Variants in KAT2A observed in about 807,000 individuals in gnomAD.
KAT2A encodes the protein lysine acetyltransferase 2A.
KAT2A carries 42 observed loss-of-function variants against 95.2 expected under a neutral mutation model. That is an observed-to-expected ratio of 0.44 (90% CI 0.34 to 0.57). The LOEUF is 0.57. KAT2A is among the 20% of genes least tolerant of loss of function. KAT2A has a pLI of 0.01. For missense variants in KAT2A, 784 were observed against 1,126.3 expected (o/e 0.70, Z 4.35); for synonymous variants, 449 against 448.2 (o/e 1.00, Z -0.02).
chr17:42,118,106 GA>G, intron 7 of KAT2A, 89 bp from the exon 8 acceptor site: 1 of 787,388 alleles, frequency 1.3e-6, no homozygotes, highest in Non-Finnish European at 1.9e-6. Context: ...GCTGAGGAGA[GA>G]GAGAGTCAGG....
Position 42,119,290 on chromosome 17 carries a change from T to C in KAT2A, c.1028A>G (p.Lys343Arg). The change falls in exon 6 of 18, where the codon AAA becomes AGA. Residue 343 changes from lysine to arginine, a missense_variant. By Grantham distance (26) the Lys-to-Arg change is conservative. Coordinates refer to ENST00000225916, the MANE Select transcript of KAT2A (RefSeq NM_021078.3). This position sits in a 1 kb window ranked among gnomAD's most constrained non-coding sequence, Gnocchi z 5.3. Reference sequence around the variant, plus strand: ...GAGGGTCCTCTTCTCGGGCACCAATTTGTCCTTCTCCACTCGGAACTTTTC... The same window carrying C: ...GAGGGTCCTCTTCTCGGGCACCAATCTGTCCTTCTCCACTCGGAACTTTTC... The part of the protein sequence containing the change: ...LLEKFRVEKD[K>R]LVPEKRTLIL... 2 of 1,613,924 alleles carry C rather than the reference T, an allele frequency of 1.2e-6. No homozygotes were observed. Among genetic ancestry groups the C allele is most frequent in the Middle Eastern group, 3.3e-4 (2 of 6,058 alleles).
At position 42,114,558 on chromosome 17, in the gene KAT2A, A is replaced by C; in HGVS notation, c.2066T>G (p.Val689Gly). 6.2e-7 allele frequency: 1 copy of C among 1,613,972 alleles called. No individual in the cohort carries two copies. The highest frequency in any genetic ancestry group is 8.5e-7 in the Non-Finnish European group (1 of 1,179,974). Residue 689 changes from valine to glycine, a missense_variant, in exon 14 of 18, where the codon GTC (valine) becomes GGC (glycine). Val to Gly is a moderately radical substitution (Grantham distance 109). Transcript: ENST00000225916. This position sits in a 1 kb window ranked among gnomAD's most constrained non-coding sequence, Gnocchi z 6.0. ...IERKQAQIRK[V>G]YPGLSCFKEG... ...CTTGAAGCAGCTGAGCCCCGGGTAGACCTTGCGGATCTGGGCCTGTTTGCG... is the reference window on the plus strand; with the variant it reads ...CTTGAAGCAGCTGAGCCCCGGGTAGCCCTTGCGGATCTGGGCCTGTTTGCG...
rs547131369 is a variant in KAT2A at position 42,119,014 on chromosome 17, G to T, written c.1073+231C>A. 13 of 1,356,780 alleles carry T rather than the reference G, an allele frequency of 9.6e-6. No individual in the cohort carries two copies. Among genetic ancestry groups the T allele is most frequent in the Non-Finnish European group, 1.2e-5 (13 of 1,056,806 alleles). The allele number at this position is 1,356,780 out of a possible 1,614,324, so 84.0% of individuals were successfully genotyped here. A position where few individuals can be genotyped will look rare whatever the true frequency, so the allele number is the denominator to read the frequency against. The stretch of plus-strand genomic sequence containing the variant: ...AACAATTAGTAACATCTACTGGGGC[G>T]TAGGGTCGGGTGGGGGCAGCGTTAG... On this transcript the variant is annotated intron_variant, in intron 6 of 17. Transcript: ENST00000225916. The surrounding 1 kb of genome is among the most constrained non-coding windows in gnomAD (Gnocchi z 5.3).
chr17:42,120,099 C>A lies in KAT2A; in HGVS notation c.630G>T (p.Leu210=). 1 of 1,614,168 alleles carries A rather than the reference C, an allele frequency of 6.2e-7. No individual in the cohort carries two copies. Among genetic ancestry groups the A allele is most frequent in the Non-Finnish European group, 8.5e-7 (1 of 1,180,026 alleles). ...YLFKLLRKCI[L]QMTRPVVEGS... is the part of the protein sequence containing the mutation. ...CCTCCACCACAGGCCGGGTCATCTG[C>A]AGGATGCATTTCCGCAGTAGCTAGA... Residue 210 remains leucine, a synonymous_variant, in exon 4 of 18, where the codon CTG becomes CTT. Transcript: ENST00000225916.
chr17:42,121,115 C>A lies in KAT2A; in HGVS notation c.190G>T (p.Gly64Trp). Reference sequence around the variant, plus strand: ...CTCCCGGCCCCCCCACTTCCTACCCCGGGCCCCCCAGTCCCTGTGCTGCCG... The same window carrying A: ...CTCCCGGCCCCCCCACTTCCTACCCAGGGCCCCCCAGTCCCTGTGCTGCCG... ...PAGSTGTGGP[G>W]VGSGGAGSGG... is the part of the protein sequence containing the mutation. Residue 64 changes from glycine (G) to tryptophan (W), a missense_variant, in exon 1 of 18, where the codon GGG (glycine) becomes TGG (tryptophan). Physicochemically the swap from Gly to Trp is radical, Grantham distance 184. This residue lies in a region of KAT2A where 142 missense variants were observed against 123.2 expected (regional missense o/e 1.15). Coordinates refer to ENST00000225916, the MANE Select transcript of KAT2A (RefSeq NM_021078.3). The A allele has an allele frequency of 6.6e-7, 1 of 1,520,138 alleles. No individual in the cohort carries two copies. Among genetic ancestry groups the A allele is most frequent in the Non-Finnish European group, 8.8e-7 (1 of 1,133,604 alleles). 94.2% of individuals were successfully genotyped at this position (1,520,138 alleles called of 1,614,324 possible).
Position 42,117,171 on chromosome 17 carries a change from AG to A in KAT2A, c.1638-11del. On this transcript the variant is annotated splice_polypyrimidine_tract_variant and intron_variant, in intron 10 of 17. Coordinates refer to ENST00000225916, the MANE Select transcript of KAT2A (RefSeq NM_021078.3). The surrounding 1 kb of genome is among the most constrained non-coding windows in gnomAD (Gnocchi z 8.9). Reference sequence around the variant, plus strand: ...CAGAGTCTTGTGCTTCCTAAGAGAGAGGGGGGCATGTCATAGCCCCTGACTG... The same window carrying A: ...CAGAGTCTTGTGCTTCCTAAGAGAGAGGGGGCATGTCATAGCCCCTGACTG... 3 of 1,613,670 alleles carry A rather than the reference AG, an allele frequency of 1.9e-6. No homozygotes were observed. The highest frequency in any genetic ancestry group is 2.5e-6 in the Non-Finnish European group (3 of 1,179,954).
Position 42,117,516 on chromosome 17 carries a change from G to C in KAT2A, c.1509C>G (p.Val503=), listed in dbSNP as rs2054276207. 1 of 1,613,664 alleles carries C rather than the reference G, an allele frequency of 6.2e-7. No homozygotes were observed. The highest frequency in any genetic ancestry group is 8.5e-7 in the Non-Finnish European group (1 of 1,180,030). The change falls in exon 10 of 18, where the codon GTC becomes GTG. Residue 503 remains valine (V), a synonymous_variant. Transcript: ENST00000225916. The surrounding 1 kb of genome is among the most constrained non-coding windows in gnomAD (Gnocchi z 8.9). ...EERRGIIEFH[V]IGNSLTPKAN... ...CCTTGGGCGTCAGTGAGTTGCCGATGACATGGAACTCGATGATGCCGCGGC... is the reference window on the plus strand; with the variant it reads ...CCTTGGGCGTCAGTGAGTTGCCGATCACATGGAACTCGATGATGCCGCGGC...
At position 42,114,820 on chromosome 17, in the gene KAT2A, C is replaced by T. The variant is rs981165592; in HGVS notation, c.2019+72G>A. ...ATATGCATGTAGACGTAGAACAGGTCTACACACGTGTGCTCGCCCTCTGCA... is the reference window on the plus strand; with the variant it reads ...ATATGCATGTAGACGTAGAACAGGTTTACACACGTGTGCTCGCCCTCTGCA... On this transcript the variant is annotated intron_variant, in intron 13 of 17. Transcript: ENST00000225916. The surrounding 1 kb of genome is among the most constrained non-coding windows in gnomAD (Gnocchi z 6.0). 57 of 1,512,404 alleles carry T rather than the reference C, an allele frequency of 3.8e-5. No individual in the cohort carries two copies. Among genetic ancestry groups the T allele is most frequent in the Admixed American group, 5.1e-5 (3 of 59,124 alleles). The allele number at this position is 1,512,404 out of a possible 1,614,324, so 93.7% of individuals were successfully genotyped here. A position where few individuals can be genotyped will look rare whatever the true frequency, so the allele number is the denominator to read the frequency against.
chr17:42,118,433 C>T, intron 6 of KAT2A, 30 bp from the exon 7 acceptor site: 2 of 1,497,700 alleles, frequency 1.3e-6, no homozygotes, highest in South Asian at 1.1e-5. Context: ...TGTCCCACAA[C>T]TCTGTTCTCC....
Position 42,121,071 on chromosome 17 carries a change from T to A in KAT2A, c.234A>T (p.Arg78=). 1 of 1,568,480 alleles carries A rather than the reference T, an allele frequency of 6.4e-7. No individual in the cohort carries two copies. Among genetic ancestry groups the A allele is most frequent in the Non-Finnish European group, 8.6e-7 (1 of 1,160,062 alleles). ...CGCGCTGCTGCTGGCTCAGGCCAGG[T>A]CGAGCCGGATCCCCCCCGCTCCCGG... is the stretch of plus-strand genomic sequence containing the variant. ...GGAGSGGDPA[R]PGLSQQQRAS... is the part of the protein sequence containing the mutation. Residue 78 remains arginine (R), a synonymous_variant, in exon 1 of 18, where the codon CGA becomes CGT. Coordinates refer to ENST00000225916, the MANE Select transcript of KAT2A (RefSeq NM_021078.3).
Position 42,119,669 on chromosome 17 carries a change from TC to T in KAT2A, c.748del (p.Glu250SerfsTer170), listed in dbSNP as rs1555666881. ...TGAGAGCTCGAACATCGTCTGCCGCTCCCGGGGAGCCAGGTGACTAAACTTG... is the reference window on the plus strand; with the variant it reads ...TGAGAGCTCGAACATCGTCTGCCGCTCCGGGGAGCCAGGTGACTAAACTTG... The part of the protein sequence containing the change: ...QYKFSHLAPR[E>X]RQTMFELSKM... On this transcript the variant is annotated frameshift_variant, in exon 5 of 18. Coordinates refer to ENST00000225916, the MANE Select transcript of KAT2A (RefSeq NM_021078.3). LOFTEE classifies it high-confidence loss of function. This position sits in a 1 kb window ranked among gnomAD's most constrained non-coding sequence, Gnocchi z 5.3. 6.2e-7 allele frequency: 1 copy of T among 1,613,426 alleles called. No homozygotes were observed. The highest frequency in any genetic ancestry group is 1.7e-5 in the Admixed American group (1 of 59,864).
Position 42,120,779 on chromosome 17 carries a change from A to G in KAT2A, c.390T>C (p.Thr130=), listed in dbSNP as rs782076024. The change falls in exon 2 of 18, where the codon ACT becomes ACC. Residue 130 remains threonine (T), a synonymous_variant. Transcript: ENST00000225916. ...GCTGCTGCAGATCCATGCGGGGTGC[A>G]GTGGGGGGCTTGGGGTTTTTCCAGC... ...CNGWKNPKPP[T]APRMDLQQPA... The G allele has an allele frequency of 1.2e-5, 20 of 1,613,764 alleles. 1 individual carries two copies. Among genetic ancestry groups the G allele is most frequent in the Non-Finnish European group, 1.7e-5 (20 of 1,179,910 alleles).
In KAT2A at chr17:42,117,196, T is replaced by G; in HGVS notation, c.1638-35A>C. 6.2e-7 allele frequency: 1 copy of G among 1,612,304 alleles called. No individual in the cohort carries two copies. The highest frequency in any genetic ancestry group is 1.3e-5 in the African/African-American group (1 of 75,050). On this transcript the variant is annotated intron_variant, in intron 10 of 17. Coordinates refer to ENST00000225916, the MANE Select transcript of KAT2A (RefSeq NM_021078.3). The surrounding 1 kb of genome is among the most constrained non-coding windows in gnomAD (Gnocchi z 8.9). ...AGGGGGGCATGTCATAGCCCCTGACTGTCCCCTTCAGGTCCCCAGAGCCCT... is the reference window on the plus strand; with the variant it reads ...AGGGGGGCATGTCATAGCCCCTGACGGTCCCCTTCAGGTCCCCAGAGCCCT...
At chr17:42,118,138 G>GGA (rs1199036600) in intron 7 of KAT2A, 121 bp from the exon 8 acceptor site, 11 of 784,264 alleles carry the variant, frequency 1.4e-5, no homozygotes, top group African/African-American at 5.2e-5. Context: ...CTGAAGCTGA[G>GGA]GAGAGAGAGA....
chr17:42,114,548 C>A lies in KAT2A; in HGVS notation c.2076G>T (p.Gly692=), dbSNP rs782104613. Residue 692 remains glycine (G), a synonymous_variant, in exon 14 of 18, where the codon GGG becomes GGT. Transcript: ENST00000225916. This position sits in a 1 kb window ranked among gnomAD's most constrained non-coding sequence, Gnocchi z 6.0. ...KQAQIRKVYP[G]LSCFKEGVRQ... ...TCACGCCCTCCTTGAAGCAGCTGAGCCCCGGGTAGACCTTGCGGATCTGGG... is the reference window on the plus strand; with the variant it reads ...TCACGCCCTCCTTGAAGCAGCTGAGACCCGGGTAGACCTTGCGGATCTGGG... The A allele has an allele frequency of 1.2e-6, 2 of 1,614,086 alleles. No individual in the cohort carries two copies. Among genetic ancestry groups the A allele is most frequent in the East Asian group, 4.5e-5 (2 of 44,876 alleles).
Position 42,113,775 on chromosome 17 carries a change from G to T in KAT2A, c.2388C>A (p.Asp796Glu). The T allele has an allele frequency of 6.2e-7, 1 of 1,610,302 alleles. No individual in the cohort carries two copies. The highest frequency in any genetic ancestry group is 8.5e-7 in the Non-Finnish European group (1 of 1,178,690). The change falls in exon 18 of 18, where the codon GAC (aspartate) becomes GAA (glutamate). Residue 796 changes from aspartate to glutamate, a missense_variant. Physicochemically the swap from Asp to Glu is conservative, Grantham distance 45 (BLOSUM62 2). Transcript: ENST00000225916. ...YYVTRKLFVA[D>E]LQRVIANCRE... ...GACAGTTGGCGATGACCCGCTGCAG[G>T]TCGGCCACAAAGAGCTTCCGGGTCA...
At position 42,117,180 on chromosome 17, in the gene KAT2A, T is replaced by C. The variant is rs781864114; in HGVS notation, c.1638-19A>G. 1 of 1,613,436 alleles carries C rather than the reference T, an allele frequency of 6.2e-7. No individual in the cohort carries two copies. The highest frequency in any genetic ancestry group is 8.5e-7 in the Non-Finnish European group (1 of 1,179,838). ...GTGCTTCCTAAGAGAGAGGGGGGCA[T>C]GTCATAGCCCCTGACTGTCCCCTTC... On this transcript the variant is annotated intron_variant, in intron 10 of 17. Coordinates refer to ENST00000225916, the MANE Select transcript of KAT2A (RefSeq NM_021078.3). The surrounding 1 kb of genome is among the most constrained non-coding windows in gnomAD (Gnocchi z 8.9).
In KAT2A at chr17:42,119,727, G is replaced by A. The variant is rs1555666891; in HGVS notation, c.700-9C>T. 2 of 1,588,350 alleles carry A rather than the reference G, an allele frequency of 1.3e-6. No homozygotes were observed. The highest frequency in any genetic ancestry group is 2.2e-5 in the East Asian group (1 of 44,646). On this transcript the variant is annotated splice_polypyrimidine_tract_variant and intron_variant, in intron 4 of 17. Coordinates refer to ENST00000225916, the MANE Select transcript of KAT2A (RefSeq NM_021078.3). The surrounding 1 kb of genome is among the most constrained non-coding windows in gnomAD (Gnocchi z 5.3). ...ACAAAGTTCAGCACACCCTGAGAAG[G>A]GGTGGGTGGGGGATAAAACCAGGAA...
Position 42,113,568 on chromosome 17 carries a change from G to A in KAT2A, c.*81C>T, listed in dbSNP as rs2054201729. 7.2e-7 allele frequency: 1 copy of A among 1,391,614 alleles called. No homozygotes were observed. The highest frequency in any genetic ancestry group is 9.8e-7 in the Non-Finnish European group (1 of 1,018,592). 86.2% of individuals were successfully genotyped at this position (1,391,614 alleles called of 1,614,324 possible). A position where few individuals can be genotyped will look rare whatever the true frequency, so the allele number is the denominator to read the frequency against. On this transcript the variant is annotated 3_prime_UTR_variant, in exon 18 of 18. Transcript: ENST00000225916. ...GTGTCTCAAGCTGAGTCGGGTCCGT[G>A]GGGCCAGGGCACCCCCTAAGGATCA...
Sources: allele counts gnomAD v4.1 joint callset, GRCh38; gene constraint gnomAD v4.1.1; regional missense constraint gnomAD v4.1.1; non-coding constraint Gnocchi (gnomAD v3.1); transcripts MANE v1.5; gene names NCBI Gene and HGNC (gene_info 2026-07-23, HGNC 2026-07-21).